COX7A2L: variants seen among roughly 807,000 people sequenced by gnomAD.
COX7A2L encodes the protein cytochrome c oxidase subunit 7A2 like.
In COX7A2L, 18 loss-of-function variants were observed where a neutral mutation model predicts 14.2. The observed-to-expected ratio is 1.27, with a 90% CI of 0.88 to 1.88. COX7A2L has a LOEUF of 1.88. COX7A2L is among the 40% of genes most tolerant of loss of function. COX7A2L has a pLI of 0.00. For synonymous variants in COX7A2L, 65 were observed against 57.4 expected (o/e 1.13, Z -0.60); for missense variants, 179 against 138.8 (o/e 1.29, Z -1.46).
chr2:42,339,476 T>C lies in COX7A2L; in HGVS notation c.193-5607A>G, dbSNP rs1054207962. ...CCTCTACAGAGCTGGCGCGGTGGCT[T>C]GAGCTCCAGGCATGTGAGCGACACT... is the stretch of plus-strand genomic sequence containing the variant. On this transcript the variant is annotated intron_variant, in intron 2 of 2. Coordinates refer to the COX7A2L transcript ENST00000468711. The surrounding 1 kb of genome is among the most constrained non-coding windows in gnomAD (Gnocchi z 5.4). 2.0e-5 allele frequency among the ~76,000 whole-genome samples: 3 copies of C among 152,166 alleles called. No homozygotes were observed. The highest frequency in any genetic ancestry group is 4.4e-5 in the Non-Finnish European group (3 of 68,014).
rs116290320 is a variant in COX7A2L at position 42,341,904 on chromosome 2, G to A, written c.193-8035C>T. Among the ~76,000 whole-genome samples, 1,020 of 152,248 alleles carry A rather than the reference G, an allele frequency of 6.7e-3. 6 individuals are homozygous for A. The highest frequency in any genetic ancestry group is 9.8e-3 in the Non-Finnish European group (665 of 68,020). ...CTGGGAGCAAGTCTAGTCTCTGGACGGCTCTAATCAAACACCACTGAACTT... is the reference window on the plus strand; with the variant it reads ...CTGGGAGCAAGTCTAGTCTCTGGACAGCTCTAATCAAACACCACTGAACTT... On this transcript the variant is annotated intron_variant, in intron 2 of 2. Transcript: ENST00000468711.
rs1297005876 is a variant in COX7A2L at position 42,349,938 on chromosome 2, A to G, written c.*1281T>C. On this transcript the variant is annotated 3_prime_UTR_variant, in exon 3 of 3. Transcript: ENST00000234301. The stretch of plus-strand genomic sequence containing the variant: ...AAAAAGCAAAGGTGCCAATATATTG[A>G]TAACTGGTGATCTAAGTGAAGGATA... The G allele has an allele frequency of 6.6e-6, 1 of 152,220 alleles. No homozygotes were observed. Among genetic ancestry groups the G allele is most frequent in the East Asian group, 1.9e-4 (1 of 5,200 alleles). 9.4% of individuals were successfully genotyped at this position (152,220 alleles called of 1,614,324 possible). A position where few individuals can be genotyped will look rare whatever the true frequency, so the allele number is the denominator to read the frequency against.
chr2:42,363,552 A>C (rs1019200118), upstream of COX7A2L, among the ~76,000 whole-genome samples: 2 of 152,184 alleles, frequency 1.3e-5, no homozygotes, highest in African/African-American at 2.4e-5. Flanking sequence ...AATCCTGAAA[A>C]TGTTACAACA....
At chr2:42,360,504 C>A (rs779531189) in intron 1 of COX7A2L, among the ~76,000 whole-genome samples, 22 of 152,192 alleles carry the variant, frequency 1.4e-4, no homozygotes, top group Middle Eastern at 3.2e-3. Context: ...ACAACCCAAA[C>A]AACGAGCATC....
At chr2:42,357,603 C>CA (rs1371693990) in intron 1 of COX7A2L, among the ~76,000 whole-genome samples, 2 of 152,094 alleles carry the variant, frequency 1.3e-5, no homozygotes, top group African/African-American at 4.8e-5. Context: ...TGAGCCACCG[C>CA]ACCTGACCTC....
rs1228398746 is a variant in COX7A2L, at chr2:42,341,946, T to C, written c.193-8077A>G. Among the ~76,000 whole-genome samples, 3 of 152,306 alleles carry C rather than the reference T, an allele frequency of 2.0e-5. No individual in the cohort carries two copies. In the East Asian group the frequency reaches 5.8e-4, roughly 29 times the overall value. On this transcript the variant is annotated intron_variant, in intron 2 of 2. Coordinates refer to the COX7A2L transcript ENST00000468711. ...ACTGAACTTTGAAGACATCAACTCA[T>C]TCAGCTGCAACTCAATTTTCAAATT...
At chr2:42,361,434 TC>T (rs1671048071), upstream of COX7A2L, 2 of 373,100 alleles carry the variant, frequency 5.4e-6, no homozygotes, top group African/African-American at 2.1e-5. Flanking sequence ...GTTCCCTCTT[TC>T]CCCCATTCAG....
chr2:42,345,180 C>T (rs1056023241), downstream of COX7A2L, among the ~76,000 whole-genome samples: 30 of 151,808 alleles, frequency 2.0e-4, no homozygotes, highest in African/African-American at 7.3e-4. Context: ...GTCAGGAGTT[C>T]GAGACCAGCC....
intron 1 of COX7A2L, among the ~76,000 whole-genome samples, chr2:42,357,592 G>A (rs1572797967): frequency 6.6e-6 from 1 of 152,014 alleles, no homozygotes; most frequent in East Asian, 1.9e-4. Context: ...GATTACCAGT[G>A]TGAGCCACCG....
At chr2:42,365,468 A>T (rs1671146585), upstream of COX7A2L, among the ~76,000 whole-genome samples, 1 of 152,104 alleles carries the variant, frequency 6.6e-6, no homozygotes, top group Non-Finnish European at 1.5e-5. Context: ...CTCTACTACA[A>T]ATACAAAAAT....
intron 2 of COX7A2L, among the ~76,000 whole-genome samples, chr2:42,336,566 A>G (rs1670278345): frequency 6.6e-6 from 1 of 152,090 alleles, no homozygotes; most frequent in Non-Finnish European, 1.5e-5. Context: ...TGTGCCTCCT[A>G]GGAAAGGTCA....
At position 42,339,094 on chromosome 2, in the gene COX7A2L, C is replaced by A. The variant is rs554743616; in HGVS notation, c.193-5225G>T. Among the ~76,000 whole-genome samples the A allele has an allele frequency of 6.6e-6, 1 of 152,200 alleles. No individual in the cohort carries two copies. Among genetic ancestry groups the A allele is most frequent in the Admixed American group, 6.5e-5 (1 of 15,284 alleles). ...GCAGATGGCTCCGTTAATAAAGCTG[C>A]CGTTCACCATGCCAAAGCTGAAGTG... On this transcript the variant is annotated intron_variant, in intron 2 of 2. Transcript: ENST00000468711. This position sits in a 1 kb window ranked among gnomAD's most constrained non-coding sequence, Gnocchi z 5.4.
At chr2:42,340,382 A>G (rs1399432853) in intron 2 of COX7A2L, among the ~76,000 whole-genome samples, 1 of 152,058 alleles carries the variant, frequency 6.6e-6, no homozygotes, top group African/African-American at 2.4e-5. Flanking sequence ...TTAATTATCA[A>G]TTGTTGTAAG....
chr2:42,358,858 T>A (rs1345880022), intron 1 of COX7A2L, among the ~76,000 whole-genome samples: 1 of 152,138 alleles, frequency 6.6e-6, no homozygotes, highest in East Asian at 1.9e-4. Flanking sequence ...AAACCAAGTG[T>A]GGTGGTACAC....
chr2:42,335,783 G>A lies in COX7A2L; in HGVS notation c.193-1914C>T, dbSNP rs183671577. On this transcript the variant is annotated intron_variant, in intron 2 of 2. Transcript: ENST00000468711. ...AATGGTTGTTAATAAGAATGAAATC[G>A]GTTAAACTTCCAGTAGAAGAACTTA... is the stretch of plus-strand genomic sequence containing the variant. Among the ~76,000 whole-genome samples, 53 of 152,290 alleles carry A rather than the reference G, an allele frequency of 3.5e-4. No individual in the cohort carries two copies. In the East Asian group the frequency reaches 8.9e-3, roughly 25 times the overall value.
In COX7A2L at chr2:42,349,552, C is replaced by T. The variant is rs1311233147; in HGVS notation, c.*1667G>A. 6.6e-6 allele frequency: 1 copy of T among 152,092 alleles called. No individual in the cohort carries two copies. Among genetic ancestry groups the T allele is most frequent in the Non-Finnish European group, 1.5e-5 (1 of 68,016 alleles). 9.4% of individuals were successfully genotyped at this position (152,092 alleles called of 1,614,324 possible). A position where few individuals can be genotyped will look rare whatever the true frequency, so the allele number is the denominator to read the frequency against. ...GATTCTCATGGTGGCTGTACAACTCCAAATACAGTAAAAACCAATGAATTG... is the reference window on the plus strand; with the variant it reads ...GATTCTCATGGTGGCTGTACAACTCTAAATACAGTAAAAACCAATGAATTG... On this transcript the variant is annotated 3_prime_UTR_variant, in exon 3 of 3. Coordinates refer to ENST00000234301, the MANE Select transcript of COX7A2L (RefSeq NM_004718.4).
chr2:42,357,205 T>A (rs548880976), intron 1 of COX7A2L, among the ~76,000 whole-genome samples: 2 of 152,316 alleles, frequency 1.3e-5, no homozygotes, highest in African/African-American at 4.8e-5. Flanking sequence ...GAAAAGAGGA[T>A]CCCCATAATT....
At chr2:42,354,119 T>A (rs1037767444) in intron 1 of COX7A2L, among the ~76,000 whole-genome samples, 1 of 152,194 alleles carries the variant, frequency 6.6e-6, no homozygotes, top group South Asian at 2.1e-4. Flanking sequence ...AAAAGGTACA[T>A]AGGTATCCAT....
chr2:42,340,744 T>G (rs1004451850), intron 2 of COX7A2L, among the ~76,000 whole-genome samples: 3 of 152,096 alleles, frequency 2.0e-5, no homozygotes, highest in Admixed American at 2.0e-4. Context: ...ATTCCTCCTC[T>G]CACCTTCCCG....
Sources: gnomAD v4.1 joint callset for allele counts (sites outside exome capture counted in the v4.1 genomes callset) on GRCh38, gnomAD v4.1.1 for gene constraint, Gnocchi (gnomAD v3.1) non-coding constraint, MANE v1.5 for transcripts, NCBI Gene and HGNC (gene_info 2026-07-23, HGNC 2026-07-21) for gene names.